The following SHLD1 variants were observed in gnomAD, a reference collection of about 807,000 sequenced individuals.
SHLD1 encodes shieldin complex subunit 1.
Under a neutral mutation model 5.5 loss-of-function variants are expected in SHLD1, and 3 were observed. The observed-to-expected ratio is 0.54, with a 90% CI of 0.25 to 1.40. The LOEUF (loss-of-function observed/expected upper bound fraction) is 1.40, where lower values mean the gene tolerates loss of function less well. SHLD1 is among the 40% of genes most tolerant of loss of function. The pLI, the probability that SHLD1 is intolerant of heterozygous loss-of-function variation, is 0.15. For synonymous variants in SHLD1, 92 were observed against 94.3 expected, an observed-to-expected ratio of 0.98 and a Z score of 0.14; for missense variants, 210 against 244.4, an observed-to-expected ratio of 0.86 and a Z score of 0.94.
Position 5,793,297 on chromosome 20 carries a change from G to A in SHLD1, c.178+20254G>A, listed in dbSNP as rs146923260. On this transcript the variant is annotated intron_variant, in intron 2 of 2. Coordinates refer to ENST00000303142, the MANE Select transcript of SHLD1 (RefSeq NM_152504.4). ...GATGTACCTATAAATATATTTTAGT[G>A]TGGATAAATATGTGCATGTAAATTT... is the stretch of plus-strand genomic sequence containing the variant. 5.4e-3 allele frequency among the ~76,000 whole-genome samples: 827 copies of A among 152,190 alleles called. 1 individual carries two copies. Among genetic ancestry groups the A allele is most frequent in the Middle Eastern group, 0.017 (5 of 294 alleles).
intron 2 of SHLD1, among the ~76,000 whole-genome samples, chr20:5,837,993 A>T (rs2087810279): frequency 6.6e-6 from 1 of 152,262 alleles, no homozygotes; most frequent in Non-Finnish European, 1.5e-5. Context: ...CGGAAAAAAA[A>T]TACCTATTTA....
At chr20:5,816,474 G>T (rs772432555) in intron 2 of SHLD1, among the ~76,000 whole-genome samples, 1 of 152,146 alleles carries the variant, frequency 6.6e-6, no homozygotes, top group Non-Finnish European at 1.5e-5. Context: ...ACTGTCTGTG[G>T]GTAAACAAGG....
intron 2 of SHLD1, among the ~76,000 whole-genome samples, chr20:5,834,983 C>T (rs1008665675): frequency 1.3e-5 from 2 of 152,180 alleles, no homozygotes; most frequent in Non-Finnish European, 2.9e-5. Context: ...TGTCTTAATA[C>T]TATCACCTTG....
At chr20:5,862,005 T>C (rs192377152) in intron 2 of SHLD1, among the ~76,000 whole-genome samples, 37 of 152,272 alleles carry the variant, frequency 2.4e-4, no homozygotes, top group South Asian at 8.3e-4. Context: ...GGCTTTTCCT[T>C]AGTGCTTGCA....
intron 2 of SHLD1, among the ~76,000 whole-genome samples, chr20:5,776,260 T>TACC (rs1985422915): frequency 6.6e-6 from 1 of 150,940 alleles, no homozygotes; most frequent in Admixed American, 6.6e-5. Flanking sequence ...TTATCACAAA[T>TACC]ACCATACACT....
At chr20:5,801,923 G>A (rs2087300072) in intron 2 of SHLD1, among the ~76,000 whole-genome samples, 1 of 148,004 alleles carries the variant, frequency 6.8e-6, no homozygotes, top group Non-Finnish European at 1.5e-5. Flanking sequence ...GTGTTCAAAA[G>A]CATTGTGCCT....
At chr20:5,845,776 G>T (rs1287019) in intron 2 of SHLD1, among the ~76,000 whole-genome samples, 1 of 151,914 alleles carries the variant, frequency 6.6e-6, no homozygotes, top group Non-Finnish European at 1.5e-5. Flanking sequence ...CCTGAGGATG[G>T]AGATTTGTCA....
chr20:5,769,997 T>G (rs1216241689), intron 1 of SHLD1, among the ~76,000 whole-genome samples: 4 of 103,594 alleles, frequency 3.9e-5, no homozygotes, highest in African/African-American at 1.5e-4. Flanking sequence ...AGAGTGAAAC[T>G]CCTTCTCAAA....
intron 2 of SHLD1, among the ~76,000 whole-genome samples, chr20:5,825,857 A>G (rs2087659485): frequency 6.6e-6 from 1 of 152,186 alleles, no homozygotes; most frequent in African/African-American, 2.4e-5. Flanking sequence ...CTTAAATGAT[A>G]TTGATCAATA....
chr20:5,755,207 G>A (rs375948944), intron 1 of SHLD1, among the ~76,000 whole-genome samples: 1 of 152,284 alleles, frequency 6.6e-6, no homozygotes, highest in East Asian at 1.9e-4. Flanking sequence ...AGAGGCTTCT[G>A]GATGAGACCT....
In SHLD1 at chr20:5,750,710, T is replaced by G. The variant is rs1032766112; in HGVS notation, c.-5+231T>G. Among the ~76,000 whole-genome samples, 22 of 138,260 alleles carry G rather than the reference T, an allele frequency of 1.6e-4. No individual in the cohort carries two copies. The East Asian group carries it at 1.9e-3, about 12-fold the overall frequency. The allele number at this position is 138,260 out of a possible 152,430, so 90.7% of individuals were successfully genotyped here. A position where few individuals can be genotyped will look rare whatever the true frequency, so the allele number is the denominator to read the frequency against. ...GTATGGATAAGCTTCGGTTTTGTTG[T>G]TTTTTTTTAAATTTTTTCAGTGACC... On this transcript the variant is annotated intron_variant, in intron 1 of 2. Coordinates refer to ENST00000303142, the MANE Select transcript of SHLD1 (RefSeq NM_152504.4).
intron 2 of SHLD1, among the ~76,000 whole-genome samples, chr20:5,795,601 C>CA (rs56723415): frequency 0.025 from 1,691 of 66,630 alleles, 54 homozygotes; most frequent in African/African-American, 0.07. Context: ...TCTGGTCTCG[C>CA]AAAAAAAAAA....
At chr20:5,756,754 A>G (rs762777280) in intron 1 of SHLD1, 2 of 259,140 alleles carry the variant, frequency 7.7e-6, no homozygotes, top group South Asian at 7.2e-5. Context: ...TACAATGACA[A>G]TCTCAGCTCA....
At chr20:5,859,514 A>C (rs2088132854) in intron 2 of SHLD1, among the ~76,000 whole-genome samples, 1 of 152,192 alleles carries the variant, frequency 6.6e-6, no homozygotes, top group Non-Finnish European at 1.5e-5. Context: ...TTTGAACGTA[A>C]CTGGGAGGAT....
At chr20:5,769,655 A>T (rs1019761962) in intron 1 of SHLD1, among the ~76,000 whole-genome samples, 4 of 152,224 alleles carry the variant, frequency 2.6e-5, no homozygotes, top group African/African-American at 9.7e-5. Context: ...TCTCTCTCTC[A>T]AAATATCTTA....
At chr20:5,810,248 C>T (rs995799571) in intron 2 of SHLD1, among the ~76,000 whole-genome samples, 5 of 150,800 alleles carry the variant, frequency 3.3e-5, no homozygotes, top group African/African-American at 1.2e-4. Context: ...CAAAGCAAGA[C>T]TCTGTCTCGG....
At chr20:5,759,638 A>T (rs1640922747) in intron 1 of SHLD1, among the ~76,000 whole-genome samples, 1 of 152,020 alleles carries the variant, frequency 6.6e-6, no homozygotes, top group Non-Finnish European at 1.5e-5. Flanking sequence ...AGCTCAAGTG[A>T]TCCTCCCACC....
Position 5,772,941 on chromosome 20 carries a change from A to T in SHLD1, c.76A>T (p.Ile26Leu). ...TTTGGACCTGCCATCAGCGTGTGAC[A>T]TAAGAGATTACGTCCTGCAGGGACC... is the stretch of plus-strand genomic sequence containing the variant. ...SALDLPSACD[I>L]RDYVLQGPSQ... The change falls in exon 2 of 3, where the codon ATA becomes TTA. Residue 26 changes from isoleucine to leucine, a missense_variant. By Grantham distance (5) the Ile-to-Leu change is conservative. Coordinates refer to ENST00000303142, the MANE Select transcript of SHLD1 (RefSeq NM_152504.4). 6.2e-7 allele frequency: 1 copy of T among 1,614,164 alleles called. No individual in the cohort carries two copies. Among genetic ancestry groups the T allele is most frequent in the South Asian group, 1.1e-5 (1 of 91,082 alleles).
intron 2 of SHLD1, among the ~76,000 whole-genome samples, chr20:5,851,132 G>A (rs930982236): frequency 4.6e-5 from 7 of 152,150 alleles, no homozygotes; most frequent in African/African-American, 1.7e-4. Flanking sequence ...ATCTCTGGGA[G>A]CTTCAACACA....
Sources: allele counts gnomAD v4.1 joint callset (sites outside exome capture counted in the v4.1 genomes callset), GRCh38; gene constraint gnomAD v4.1.1; transcripts MANE v1.5; gene names NCBI Gene and HGNC (gene_info 2026-07-23, HGNC 2026-07-21).